Variants in PLCB1 observed in about 807,000 individuals in gnomAD.
PLCB1 encodes the protein phospholipase C beta 1, also known as 1-phosphatidylinositol 4,5-bisphosphate phosphodiesterase beta-1.
PLCB1 carries 46 observed loss-of-function variants against 161.8 expected under a neutral mutation model. The observed-to-expected ratio is 0.28, with a 90% CI of 0.22 to 0.36. PLCB1 has a LOEUF of 0.36. Ranked by LOEUF, PLCB1 falls within the 10% of genes least tolerant of loss-of-function variation. The pLI, the probability that PLCB1 is intolerant of heterozygous loss-of-function variation, is 1.00. For synonymous variants in PLCB1, 517 were observed against 503.7 expected (o/e 1.03, Z -0.35); for missense variants, 1,016 against 1,472.5 (o/e 0.69, Z 5.07).
intron 31 of PLCB1, 22 bp from the exon 32 acceptor site, chr20:8,881,600 C>T: frequency 6.3e-7 from 1 of 1,577,104 alleles, no homozygotes; most frequent in Non-Finnish European, 8.7e-7. Flanking sequence ...TTCAAGTCAT[C>T]TCCCCTCTTG....
At chr20:8,217,755 G>C (rs959463881) in intron 2 of PLCB1, among the ~76,000 whole-genome samples, 1 of 152,154 alleles carries the variant, frequency 6.6e-6, no homozygotes, top group Non-Finnish European at 1.5e-5. Context: ...GGTCATGCAT[G>C]CTCTGCCCTT....
intron 31 of PLCB1, among the ~76,000 whole-genome samples, chr20:8,842,765 C>T (rs556097879): frequency 7.9e-5 from 12 of 152,224 alleles, no homozygotes; most frequent in Admixed American, 2.0e-4. Context: ...CAGAACAGGA[C>T]GGGATTTTCA....
chr20:8,257,881 C>T (rs1375627498), intron 2 of PLCB1, among the ~76,000 whole-genome samples: 1 of 152,072 alleles, frequency 6.6e-6, no homozygotes, highest in African/African-American at 2.4e-5. Context: ...GAATACCCCC[C>T]GACCACACAC....
intron 4 of PLCB1, among the ~76,000 whole-genome samples, chr20:8,629,068 T>C (rs543415992): frequency 1.6e-3 from 239 of 152,328 alleles, no homozygotes; most frequent in South Asian, 5.8e-3. Context: ...CTCATCCCTA[T>C]GCCACTTCTA....
chr20:8,800,611 G>A (rs1984238539), intron 31 of PLCB1, among the ~76,000 whole-genome samples: 2 of 152,272 alleles, frequency 1.3e-5, no homozygotes, highest in East Asian at 1.9e-4. Context: ...CCAGCAGCAT[G>A]TGCCTGTGTT....
intron 3 of PLCB1, among the ~76,000 whole-genome samples, chr20:8,393,434 G>A (rs944348954): frequency 6.6e-6 from 1 of 152,096 alleles, no homozygotes; most frequent in Admixed American, 6.5e-5. Flanking sequence ...CACTTTGGAA[G>A]GCCGAAGCAG....
At chr20:8,662,143 T>TAGTTATTTATTATA in intron 9 of PLCB1, among the ~76,000 whole-genome samples, 2 of 19,620 alleles carry the variant, frequency 1.0e-4, no homozygotes, top group Non-Finnish European at 3.0e-4. Context: ...TAATTCTATA[T>TAGTTATTTATTATA]TAAATATAAT....
chr20:8,647,819 T>C (rs753023380), intron 5 of PLCB1, 81 bp from the exon 6 acceptor site: 1 of 1,093,256 alleles, frequency 9.1e-7, no homozygotes, highest in Non-Finnish European at 1.4e-6. Context: ...AGGCATGGGC[T>C]TTTTTGAGTG....
At chr20:8,611,014 T>C (rs1480561297) in intron 3 of PLCB1, among the ~76,000 whole-genome samples, 1 of 152,072 alleles carries the variant, frequency 6.6e-6, no homozygotes, top group Non-Finnish European at 1.5e-5. Context: ...TATAAATATC[T>C]AAGAAATGTA....
chr20:8,156,610 AT>A (rs2051566315), intron 2 of PLCB1, among the ~76,000 whole-genome samples: 1 of 152,144 alleles, frequency 6.6e-6, no homozygotes, highest in South Asian at 2.1e-4. Flanking sequence ...AACAGTCCTA[AT>A]TTGGGAAGCC....
chr20:8,704,269 G>A (rs765439462), intron 11 of PLCB1, among the ~76,000 whole-genome samples: 10 of 151,736 alleles, frequency 6.6e-5, no homozygotes, highest in African/African-American at 2.2e-4. Context: ...CACAAGAATC[G>A]CCCAAACCAA....
chr20:8,324,844 A>G (rs972668309), intron 2 of PLCB1, among the ~76,000 whole-genome samples: 4 of 152,234 alleles, frequency 2.6e-5, no homozygotes, highest in Non-Finnish European at 5.9e-5. Flanking sequence ...CACTGCTTCT[A>G]GGGAAACATA....
intron 2 of PLCB1, among the ~76,000 whole-genome samples, chr20:8,363,653 G>C (rs928756152): frequency 4.6e-5 from 7 of 152,102 alleles, no homozygotes; most frequent in Non-Finnish European, 1.0e-4. Flanking sequence ...GTATTGGTTA[G>C]AAGACAGCTG....
Position 8,819,865 on chromosome 20 carries a change from G to T in PLCB1, c.3423+29604G>T, listed in dbSNP as rs541094781. Reference sequence around the variant, plus strand: ...TAGCAAAACATGAATCCCTGGTTTAGTTGGTTAAATAATGGTCCCTCATAT... The same window carrying T: ...TAGCAAAACATGAATCCCTGGTTTATTTGGTTAAATAATGGTCCCTCATAT... On this transcript the variant is annotated intron_variant, in intron 31 of 31. Coordinates refer to ENST00000338037, the MANE Select transcript of PLCB1 (RefSeq NM_015192.4). Among the ~76,000 whole-genome samples the T allele has an allele frequency of 4.6e-5, 7 of 152,132 alleles. No individual in the cohort carries two copies. In the East Asian group the frequency reaches 1.4e-3, roughly 29 times the overall value.
chr20:8,822,413 C>G (rs1600356484), intron 31 of PLCB1, among the ~76,000 whole-genome samples: 1 of 152,236 alleles, frequency 6.6e-6, no homozygotes, highest in Non-Finnish European at 1.5e-5. Context: ...AATGGACAGG[C>G]CTCCAGGTGC....
At position 8,398,574 on chromosome 20, in the gene PLCB1, A is replaced by G. The variant is rs6055793; in HGVS notation, c.246+27124A>G. ...CACATAGGGGAAAGCAGAGAGAGGG[A>G]GAGTTGACTCTCTAGTCTCTTTTTC... On this transcript the variant is annotated intron_variant, in intron 3 of 31. Coordinates refer to ENST00000338037, the MANE Select transcript of PLCB1 (RefSeq NM_015192.4). Among the ~76,000 whole-genome samples the G allele has an allele frequency of 2.1e-3, 316 of 152,296 alleles. 1 individual carries two copies. Among genetic ancestry groups the G allele is most frequent in the African/African-American group, 7.3e-3 (304 of 41,562 alleles).
chr20:8,671,432 G>C (rs1479486053), intron 9 of PLCB1, among the ~76,000 whole-genome samples: 2 of 152,032 alleles, frequency 1.3e-5, no homozygotes, highest in African/African-American at 4.8e-5. Flanking sequence ...ATGGGTTGAG[G>C]GATAAAAATG....
At chr20:8,817,190 T>C (rs1330610925) in intron 31 of PLCB1, among the ~76,000 whole-genome samples, 1 of 152,190 alleles carries the variant, frequency 6.6e-6, no homozygotes, top group African/African-American at 2.4e-5. Context: ...GAAAACTCTG[T>C]ATAACTTTTT....
At chr20:8,542,916 A>G (rs974907732) in intron 3 of PLCB1, among the ~76,000 whole-genome samples, 1 of 152,190 alleles carries the variant, frequency 6.6e-6, no homozygotes, top group Admixed American at 6.5e-5. Flanking sequence ...TCACTCATGT[A>G]TTCATTTGGC....
Sources: allele counts gnomAD v4.1 joint callset (sites outside exome capture counted in the v4.1 genomes callset), GRCh38; gene constraint gnomAD v4.1.1; transcripts MANE v1.5; gene names NCBI Gene and HGNC (gene_info 2026-07-23, HGNC 2026-07-21).